Variants in TFDP2 observed in about 807,000 individuals in gnomAD.
TFDP2 encodes the protein transcription factor Dp-2.
A neutral mutation model predicts 59.3 loss-of-function variants in TFDP2; 17 were observed. The ratio of observed to expected loss-of-function variants is 0.29; its 90% CI spans 0.20 to 0.43. The LOEUF (loss-of-function observed/expected upper bound fraction) is 0.43, where lower values mean the gene tolerates loss of function less well. Among genes scored for constraint, TFDP2 ranks in the 20% least tolerant of loss-of-function variants. The pLI, the probability that TFDP2 is intolerant of heterozygous loss-of-function variation, is 1.00. For missense variants in TFDP2, 391 were observed against 528.8 expected, an observed-to-expected ratio of 0.74 and a Z score of 2.56; for synonymous variants, 180 against 194.7, an observed-to-expected ratio of 0.92 and a Z score of 0.63.
chr3:141,966,068 C>T lies in TFDP2; in HGVS notation c.733-2105G>A, dbSNP rs142844605. ...GAATATAAGCAGTGATAACTAATGGCCCTTATGTATTTGTGATTCACTATT... is the reference window on the plus strand; with the variant it reads ...GAATATAAGCAGTGATAACTAATGGTCCTTATGTATTTGTGATTCACTATT... On this transcript the variant is annotated intron_variant, in intron 9 of 12. Transcript: ENST00000489671. Among the ~76,000 whole-genome samples, 142 of 151,936 alleles carry T rather than the reference C, an allele frequency of 9.3e-4. 3 individuals carry two copies. The highest frequency in any genetic ancestry group is 3.3e-3 in the African/African-American group (138 of 41,300).
intron 1 of TFDP2, among the ~76,000 whole-genome samples, chr3:142,112,214 A>G (rs1037745025): frequency 1.3e-5 from 2 of 152,232 alleles, no homozygotes; most frequent in Non-Finnish European, 2.9e-5. Flanking sequence ...CAGTAATATT[A>G]GCCATATCTT....
chr3:141,961,637 C>T (rs1037954767), intron 10 of TFDP2, among the ~76,000 whole-genome samples: 1 of 152,122 alleles, frequency 6.6e-6, no homozygotes, highest in African/African-American at 2.4e-5. Flanking sequence ...CAGATATCTA[C>T]CACTTACTGA....
At chr3:142,098,999 G>T (rs997513015) in intron 2 of TFDP2, among the ~76,000 whole-genome samples, 3 of 152,106 alleles carry the variant, frequency 2.0e-5, no homozygotes, top group Non-Finnish European at 4.4e-5. Flanking sequence ...ATAAAGCATG[G>T]ATAAGACAAA....
intron 1 of TFDP2, among the ~76,000 whole-genome samples, chr3:142,144,954 A>T (rs1440750941): frequency 6.6e-6 from 1 of 152,224 alleles, no homozygotes; most frequent in African/African-American, 2.4e-5. Context: ...GGAAGCTATT[A>T]CTGCAGTACA....
intron 3 of TFDP2, among the ~76,000 whole-genome samples, chr3:142,022,268 A>AT (rs1945675178): frequency 6.6e-6 from 1 of 152,196 alleles, no homozygotes; most frequent in Non-Finnish European, 1.5e-5. Flanking sequence ...TAGGTGGAGA[A>AT]TTTGTATTTT....
At chr3:142,126,342 AAAC>A in intron 1 of TFDP2, 1 of 151,906 alleles carries the variant, frequency 6.6e-6, no homozygotes, top group South Asian at 2.1e-4. Flanking sequence ...TTTATTACAG[AAAC>A]AACACAGTTT....
chr3:142,025,012 C>T (rs1464950809), intron 3 of TFDP2, among the ~76,000 whole-genome samples: 1 of 135,520 alleles, frequency 7.4e-6, no homozygotes, highest in East Asian at 2.1e-4. Context: ...AACAGCGAGA[C>T]TCTGTCTCAA....
intron 6 of TFDP2, 115 bp downstream of exon 6, chr3:141,993,423 A>C (rs1942978972): frequency 1.0e-5 from 6 of 596,466 alleles, no homozygotes. Context: ...GCAAGAACTG[A>C]AAGAAGTTAA....
At chr3:142,109,827 A>G (rs761830353) in intron 1 of TFDP2, among the ~76,000 whole-genome samples, 3 of 152,112 alleles carry the variant, frequency 2.0e-5, no homozygotes, top group Non-Finnish European at 4.4e-5. Flanking sequence ...TCTTCCTAGA[A>G]CCATTGGCAT....
chr3:141,956,207 A>G (rs1270693672), intron 11 of TFDP2, among the ~76,000 whole-genome samples: 2 of 152,352 alleles, frequency 1.3e-5, no homozygotes, highest in East Asian at 1.9e-4. Flanking sequence ...ATTATAGGAC[A>G]TGTAAAACAT....
At chr3:141,955,966 C>G (rs933664011) in intron 11 of TFDP2, among the ~76,000 whole-genome samples, 15 of 152,094 alleles carry the variant, frequency 9.9e-5, no homozygotes, top group African/African-American at 3.6e-4. Context: ...TGTCACCATG[C>G]CTGGCTAATT....
At chr3:142,130,444 G>C (rs1229650565) in intron 1 of TFDP2, among the ~76,000 whole-genome samples, 2 of 151,836 alleles carry the variant, frequency 1.3e-5, no homozygotes, top group East Asian at 3.9e-4. Context: ...GGAGGAAGGA[G>C]GAATGGGAAT....
chr3:142,005,866 A>G (rs1275765914), intron 3 of TFDP2, among the ~76,000 whole-genome samples: 1 of 152,224 alleles, frequency 6.6e-6, no homozygotes, highest in African/African-American at 2.4e-5. Flanking sequence ...AGAATATGTA[A>G]CGCAAATCAC....
intron 3 of TFDP2, among the ~76,000 whole-genome samples, chr3:142,007,085 C>A (rs1050766774): frequency 2.6e-5 from 4 of 152,120 alleles, no homozygotes; most frequent in Non-Finnish European, 5.9e-5. Flanking sequence ...TAAATGACTT[C>A]TTTCATCTCT....
chr3:142,040,701 A>G (rs1946920090), intron 3 of TFDP2, among the ~76,000 whole-genome samples: 1 of 152,200 alleles, frequency 6.6e-6, no homozygotes, highest in South Asian at 2.1e-4. Flanking sequence ...AAATGTTGGG[A>G]TTACAGGTGT....
chr3:142,104,298 T>C (rs968219398), intron 1 of TFDP2, among the ~76,000 whole-genome samples: 6 of 152,124 alleles, frequency 3.9e-5, no homozygotes, highest in African/African-American at 1.4e-4. Flanking sequence ...ATTCCTGATA[T>C]CCCATTCAAC....
chr3:142,006,557 C>T (rs1944231097), intron 3 of TFDP2, among the ~76,000 whole-genome samples: 1 of 150,486 alleles, frequency 6.6e-6, no homozygotes. Context: ...CAGGCTCAAA[C>T]TCCAGGGCTT....
At chr3:141,959,227 A>C (rs944459910) in intron 11 of TFDP2, among the ~76,000 whole-genome samples, 1 of 152,076 alleles carries the variant, frequency 6.6e-6, no homozygotes, top group African/African-American at 2.4e-5. Context: ...AAGTGCTGGG[A>C]TTACAGGTGT....
chr3:141,950,526 C>G lies in TFDP2; in HGVS notation c.*1987G>C, dbSNP rs1168092418. The G allele has an allele frequency of 6.6e-6, 1 of 152,598 alleles. No individual in the cohort carries two copies. The highest frequency in any genetic ancestry group is 2.4e-5 in the African/African-American group (1 of 41,442). The allele number at this position is 152,598 out of a possible 1,614,324, so 9.5% of individuals were successfully genotyped here. A position where few individuals can be genotyped will look rare whatever the true frequency, so the allele number is the denominator to read the frequency against. On this transcript the variant is annotated 3_prime_UTR_variant, in exon 13 of 13. Coordinates refer to ENST00000489671, the MANE Select transcript of TFDP2 (RefSeq NM_001178139.2). ...AAGAACTCTGGCAAGAATGTTGCTACTTGGTGAAGGAATGGTTATCATTAG... is the reference window on the plus strand; with the variant it reads ...AAGAACTCTGGCAAGAATGTTGCTAGTTGGTGAAGGAATGGTTATCATTAG...
Sources: gnomAD v4.1 joint callset for allele counts (sites outside exome capture counted in the v4.1 genomes callset) on GRCh38, gnomAD v4.1.1 for gene constraint, MANE v1.5 for transcripts, NCBI Gene and HGNC (gene_info 2026-07-23, HGNC 2026-07-21) for gene names.